The following LCK variants were observed in gnomAD, a reference collection of about 807,000 sequenced individuals.
The protein encoded by LCK is LCK proto-oncogene, Src family tyrosine kinase, also known as tyrosine-protein kinase Lck.
Under a neutral mutation model 64.6 loss-of-function variants are expected in LCK, and 14 were observed. The ratio of observed to expected loss-of-function variants is 0.22; its 90% CI spans 0.14 to 0.34. The LOEUF is 0.34. Ranked by LOEUF, LCK falls within the 10% of genes least tolerant of loss-of-function variation. The pLI is 1.00. For missense variants in LCK, 434 were observed against 668.1 expected (o/e 0.65, Z 3.86); for synonymous variants, 277 against 263.6 (o/e 1.05, Z -0.49).
In LCK at chr1:32,279,690, C is replaced by G; in HGVS notation, c.984C>G (p.Leu328=). The G allele has an allele frequency of 6.2e-7, 1 of 1,614,032 alleles. No individual in the cohort carries two copies. Among genetic ancestry groups the G allele is most frequent in the Non-Finnish European group, 8.5e-7 (1 of 1,179,926 alleles). Reference sequence around the variant, plus strand: ...CCACAGGGAGTCTAGTGGATTTTCTCAAGACCCCTTCAGGCATCAAGTTGA... The same window carrying G: ...CCACAGGGAGTCTAGTGGATTTTCTGAAGACCCCTTCAGGCATCAAGTTGA... ...YMENGSLVDF[L]KTPSGIKLTI... The change falls in exon 10 of 13, where the codon CTC becomes CTG. Residue 328 remains leucine (L), a synonymous_variant. Coordinates refer to ENST00000336890, the MANE Select transcript of LCK (RefSeq NM_005356.5).
chr1:32,282,835 AAATT>A (rs1355584676), intron 12 of LCK, among the ~76,000 whole-genome samples: 2 of 151,978 alleles, frequency 1.3e-5, no homozygotes, highest in Admixed American at 6.6e-5. Flanking sequence ...TTAAATAAAT[AAATT>A]AATTAAATGA....
In LCK at chr1:32,251,820, A is replaced by G. The variant is rs534495423; in HGVS notation, c.-6+449A>G. Among the ~76,000 whole-genome samples the G allele has an allele frequency of 1.9e-4, 29 of 151,958 alleles. No homozygotes were observed. The highest frequency in any genetic ancestry group is 6.5e-4 in the African/African-American group (27 of 41,466). ...CACCCCGCCTGGAGCAGGGTGATGGACAGGCTGGACTCAGAGGACCCAGGA... is the reference window on the plus strand; with the variant it reads ...CACCCCGCCTGGAGCAGGGTGATGGGCAGGCTGGACTCAGAGGACCCAGGA... On this transcript the variant is annotated intron_variant, in intron 1 of 12. Coordinates refer to ENST00000336890, the MANE Select transcript of LCK (RefSeq NM_005356.5). This position sits in a 1 kb window ranked among gnomAD's most constrained non-coding sequence, Gnocchi z 4.0.
chr1:32,275,658 G>A lies in LCK; in HGVS notation c.467G>A (p.Ser156Asn). ...CACGGCTCCTTCCTCATCCGGGAGA[G>A]CGAGAGCACCGCGGGTGAGCGGGCG... ...NTHGSFLIRE[S>N]ESTAGSFSLS... The change falls in exon 6 of 13, where the codon AGC becomes AAC. Residue 156 changes from serine to asparagine, a missense_variant. Around this residue, in one of 2 missense-constraint regions of LCK, gnomAD observed 233 missense variants for 291.2 expected, o/e 0.80. Transcript: ENST00000336890. The surrounding 1 kb of genome is among the most constrained non-coding windows in gnomAD (Gnocchi z 6.9). The A allele has an allele frequency of 1.3e-6, 2 of 1,565,478 alleles. No homozygotes were observed. Among genetic ancestry groups the A allele is most frequent in the Non-Finnish European group, 1.7e-6 (2 of 1,156,534 alleles).
intron 12 of LCK, among the ~76,000 whole-genome samples, chr1:32,280,796 A>C (rs1412687289): frequency 6.6e-6 from 1 of 152,146 alleles, no homozygotes; most frequent in Non-Finnish European, 1.5e-5. Flanking sequence ...CTGGTATGGT[A>C]GAAGAAGATC....
rs750904629 is a variant in LCK at position 32,274,722 on chromosome 1, TC to T, written c.106-10del. 3 of 1,559,582 alleles carry T rather than the reference TC, an allele frequency of 1.9e-6. No homozygotes were observed. Among genetic ancestry groups the T allele is most frequent in the Non-Finnish European group, 2.6e-6 (3 of 1,148,796 alleles). The stretch of plus-strand genomic sequence containing the variant: ...CTTCTGCTTTCTGACCCCACCCTCA[TC>T]CCCCACTCCACAGCTGCTCATCCGA... On this transcript the variant is annotated splice_polypyrimidine_tract_variant and intron_variant, in intron 2 of 12. Coordinates refer to ENST00000336890, the MANE Select transcript of LCK (RefSeq NM_005356.5).
chr1:32,252,525 C>T (rs1412585628), intron 1 of LCK, among the ~76,000 whole-genome samples: 1 of 152,210 alleles, frequency 6.6e-6, no homozygotes, highest in African/African-American at 2.4e-5. Context: ...CTGTCTACAG[C>T]TCCAAGTCCT....
intron 1 of LCK, among the ~76,000 whole-genome samples, chr1:32,258,491 A>C (rs965193450): frequency 1.3e-5 from 2 of 150,814 alleles, no homozygotes; most frequent in East Asian, 2.0e-4. Flanking sequence ...AAAAAAAAAA[A>C]AAAAACCAGG....
In LCK at chr1:32,274,443, C is replaced by T. The variant is rs1262017043; in HGVS notation, c.105+9C>T. 5 of 1,601,642 alleles carry T rather than the reference C, an allele frequency of 3.1e-6. No individual in the cohort carries two copies. Among genetic ancestry groups the T allele is most frequent in the Non-Finnish European group, 3.4e-6 (4 of 1,171,834 alleles). On this transcript the variant is annotated intron_variant, in intron 2 of 12. Transcript: ENST00000336890. ...TGGATGGCAAGGGCACGGTAAGAGG[C>T]GAGACAGGGGCCTTGGTGAGGGAGT... is the stretch of plus-strand genomic sequence containing the variant.
At chr1:32,284,316 G>GAT (rs932191969) in intron 12 of LCK, among the ~76,000 whole-genome samples, 4 of 146,252 alleles carry the variant, frequency 2.7e-5, no homozygotes, top group African/African-American at 1.0e-4. Context: ...ATCTGTGAGA[G>GAT]ATATATATAT....
intron 12 of LCK, among the ~76,000 whole-genome samples, chr1:32,282,420 A>G (rs1211215733): frequency 6.6e-6 from 1 of 152,200 alleles, no homozygotes; most frequent in Non-Finnish European, 1.5e-5. Flanking sequence ...CCAAAAAAAC[A>G]GATCTTTTGT....
At chr1:32,270,789 T>C (rs2124340786) in intron 1 of LCK, among the ~76,000 whole-genome samples, 1 of 139,964 alleles carries the variant, frequency 7.1e-6, no homozygotes, top group South Asian at 2.5e-4. Context: ...CTGCAACCTC[T>C]ACCTCCTGGG....
intron 9 of LCK, 164 bp from the exon 10 acceptor site, chr1:32,279,507 C>T (rs901948753): frequency 1.4e-6 from 2 of 1,403,566 alleles, no homozygotes; most frequent in Non-Finnish European, 1.9e-6. Flanking sequence ...AAAACCTTTA[C>T]ATATCCTGGG....
intron 1 of LCK, among the ~76,000 whole-genome samples, chr1:32,261,200 G>C (rs1202614382): frequency 6.6e-6 from 1 of 151,206 alleles, no homozygotes; most frequent in Non-Finnish European, 1.5e-5. Flanking sequence ...TGGGTAGCTA[G>C]GACTACAGGC....
At position 32,285,706 on chromosome 1, in the gene LCK, C is replaced by T; in HGVS notation, c.1520C>T (p.Pro507Leu). ...FFTATEGQYQPQP is the reference protein window; with the variant it reads ...FFTATEGQYQLQP ...ACGGCCACAGAGGGCCAGTACCAGC[C>T]TCAGCCTTGAGAGGCCTTGAGAGGC... The change falls in exon 13 of 13, where the codon CCT becomes CTT. Residue 507 changes from proline to leucine, a missense_variant. Pro to Leu is a moderately conservative substitution (Grantham distance 98). This residue lies in a region of LCK where 201 missense variants were observed against 376.9 expected (regional missense o/e 0.53). Transcript: ENST00000336890. 3 of 1,600,822 alleles carry T rather than the reference C, an allele frequency of 1.9e-6. No individual in the cohort carries two copies. Among genetic ancestry groups the T allele is most frequent in the Admixed American group, 1.8e-5 (1 of 57,110 alleles).
At chr1:32,283,691 C>T (rs908346333) in intron 12 of LCK, among the ~76,000 whole-genome samples, 1 of 152,062 alleles carries the variant, frequency 6.6e-6, no homozygotes, top group Non-Finnish European at 1.5e-5. Context: ...GGAACCTTCT[C>T]AAGTCCAAGC....
At chr1:32,274,248 G>A in intron 1 of LCK, 77 bp from the exon 2 acceptor site, 1 of 1,609,492 alleles carries the variant, frequency 6.2e-7, no homozygotes, top group Non-Finnish European at 8.5e-7. Context: ...ACTTTCCAGG[G>A]CAAGGCCCCA....
intron 1 of LCK, among the ~76,000 whole-genome samples, chr1:32,269,000 G>A (rs1311440212): frequency 6.6e-6 from 1 of 151,452 alleles, no homozygotes; most frequent in Non-Finnish European, 1.5e-5. Flanking sequence ...CAGGCGTGGT[G>A]GTGCACGCCT....
In LCK at chr1:32,285,509, C is replaced by T. The variant is rs200843164; in HGVS notation, c.1328-5C>T. Reference sequence around the variant, plus strand: ...CTTGATGTCCTTTCACCCATCAACCCGTAGGGATGACCAACCCGGAGGTGA... The same window carrying T: ...CTTGATGTCCTTTCACCCATCAACCTGTAGGGATGACCAACCCGGAGGTGA... On this transcript the variant is annotated splice_polypyrimidine_tract_variant and splice_region_variant and intron_variant, in intron 12 of 12. Transcript: ENST00000336890. 18 of 1,614,008 alleles carry T rather than the reference C, an allele frequency of 1.1e-5. No homozygotes were observed. The highest frequency in any genetic ancestry group is 3.3e-5 in the Admixed American group (2 of 60,014).
rs1430720859 is a variant in LCK, at chr1:32,251,920, G to C, written c.-6+549G>C. On this transcript the variant is annotated intron_variant, in intron 1 of 12. Transcript: ENST00000336890. The surrounding 1 kb of genome is among the most constrained non-coding windows in gnomAD (Gnocchi z 4.0). ...AGAGAGAGAGAGAGAGAGAGAGAGA[G>C]AGAGAGAGAGAGAGAGACAGAGATC... Among the ~76,000 whole-genome samples, 2 of 151,912 alleles carry C rather than the reference G, an allele frequency of 1.3e-5. No individual in the cohort carries two copies. Among genetic ancestry groups the C allele is most frequent in the Admixed American group, 1.3e-4 (2 of 15,200 alleles).
Sources: gnomAD v4.1 joint callset for allele counts (sites outside exome capture counted in the v4.1 genomes callset) on GRCh38, gnomAD v4.1.1 for gene constraint, gnomAD v4.1.1 regional missense constraint, Gnocchi (gnomAD v3.1) non-coding constraint, MANE v1.5 for transcripts, NCBI Gene and HGNC (gene_info 2026-07-23, HGNC 2026-07-21) for gene names.